Variants in TNRC6A observed in about 807,000 individuals in gnomAD.
The protein encoded by TNRC6A is trinucleotide repeat containing adaptor 6A.
TNRC6A carries 44 observed loss-of-function variants against 221.2 expected under a neutral mutation model. That is an observed-to-expected ratio of 0.20 (90% CI 0.16 to 0.26). The LOEUF (loss-of-function observed/expected upper bound fraction) is 0.26. TNRC6A is among the 10% of genes least tolerant of loss of function. The probability of loss-of-function intolerance (pLI) is 1.00; values close to 1 mark genes in which losing one functional copy is unlikely to be tolerated. For synonymous variants in TNRC6A, 847 were observed against 838.5 expected (o/e 1.01, Z -0.18); for missense variants, 2,199 against 2,404.4 (o/e 0.91, Z 1.79).
chr16:24,692,394 A>G (rs2055773410), intron 2 of TNRC6A, among the ~76,000 whole-genome samples: 1 of 152,120 alleles, frequency 6.6e-6, no homozygotes, highest in African/African-American at 2.4e-5. Flanking sequence ...AACATGGTGA[A>G]ACCCGTCTCT....
At chr16:24,804,631 T>C (rs1206821915) in intron 12 of TNRC6A, 74 bp from the exon 13 acceptor site, 65 of 1,520,508 alleles carry the variant, frequency 4.3e-5, no homozygotes, top group South Asian at 3.0e-4. Context: ...ACTTCTCTTC[T>C]GTTCCTGCAA....
chr16:24,774,774 G>T (rs1264304370), intron 4 of TNRC6A, among the ~76,000 whole-genome samples: 2 of 152,028 alleles, frequency 1.3e-5, no homozygotes, highest in African/African-American at 4.8e-5. Context: ...GTGATGCATT[G>T]GTTCCGGGAC....
At chr16:24,727,846 A>C (rs905827300), upstream of TNRC6A, among the ~76,000 whole-genome samples, 3 of 152,204 alleles carry the variant, frequency 2.0e-5, no homozygotes, top group Non-Finnish European at 4.4e-5. Context: ...AGGTAAATGA[A>C]CCTCAGGGAT....
intron 2 of TNRC6A, among the ~76,000 whole-genome samples, chr16:24,715,484 T>C (rs1294756102): frequency 6.6e-6 from 1 of 152,164 alleles, no homozygotes; most frequent in Non-Finnish European, 1.5e-5. Context: ...CTAATGTCTG[T>C]GAATTACAAG....
chr16:24,650,937 A>G (rs1237030527), intron 2 of TNRC6A, among the ~76,000 whole-genome samples: 1 of 152,198 alleles, frequency 6.6e-6, no homozygotes, highest in East Asian at 1.9e-4. Flanking sequence ...CCCCATTCAC[A>G]TTAGCTACAT....
chr16:24,690,027 A>AT (rs796774079), intron 2 of TNRC6A, among the ~76,000 whole-genome samples: 4 of 86,952 alleles, frequency 4.6e-5, no homozygotes, highest in Non-Finnish European at 4.8e-5. Context: ...AAAAAAAAAA[A>AT]TTTTTTTTTT....
At chr16:24,705,983 T>A (rs1263308747) in intron 2 of TNRC6A, among the ~76,000 whole-genome samples, 1 of 152,160 alleles carries the variant, frequency 6.6e-6, no homozygotes, top group Non-Finnish European at 1.5e-5. Flanking sequence ...TCATAAACAA[T>A]GAGTTAAGTC....
intron 18 of TNRC6A, among the ~76,000 whole-genome samples, chr16:24,813,889 C>T (rs146525510): frequency 1.1e-4 from 16 of 152,276 alleles, no homozygotes; most frequent in African/African-American, 3.9e-4. Flanking sequence ...TATATAATTA[C>T]GTTTATCATC....
At chr16:24,726,849 T>C (rs1292812103), upstream of TNRC6A, among the ~76,000 whole-genome samples, 2 of 152,152 alleles carry the variant, frequency 1.3e-5, no homozygotes, top group East Asian at 3.8e-4. Flanking sequence ...GGGTCCCACA[T>C]AAGGAATCAG....
chr16:24,805,717 A>C lies in TNRC6A; in HGVS notation c.4235A>C (p.Gln1412Pro), dbSNP rs1196781382. 4 of 1,614,194 alleles carry C rather than the reference A, an allele frequency of 2.5e-6. No individual in the cohort carries two copies. The highest frequency in any genetic ancestry group is 3.4e-6 in the Non-Finnish European group (4 of 1,180,002). ...CTATCCCAGCTAAACCAGCTTTCTC[A>C]GATCTCCCAGTTACAGGTAAGCAGA... ...NQLSQLNQLSQISQLQRLLAQ... is the reference protein window; with the variant it reads ...NQLSQLNQLSPISQLQRLLAQ... Residue 1412 changes from glutamine to proline, a missense_variant, in exon 15 of 25, where the codon CAG becomes CCG. Physicochemically the swap from Gln to Pro is moderately conservative, Grantham distance 76. This residue lies in a region of TNRC6A where 449 missense variants were observed against 579.7 expected (regional missense o/e 0.77). Coordinates refer to ENST00000395799, the MANE Select transcript of TNRC6A (RefSeq NM_014494.4).
chr16:24,796,066 A>T (rs1483838946), intron 9 of TNRC6A, 127 bp downstream of exon 9: 1 of 1,008,680 alleles, frequency 9.9e-7, no homozygotes. Context: ...ATTCAAATAC[A>T]CTAAGATATG....
intron 3 of TNRC6A, among the ~76,000 whole-genome samples, chr16:24,754,802 A>G (rs1303772390): frequency 6.6e-6 from 1 of 152,162 alleles, no homozygotes; most frequent in East Asian, 1.9e-4. Flanking sequence ...GCAACAATAC[A>G]AGTTGGGATC....
intron 11 of TNRC6A, 112 bp downstream of exon 11, chr16:24,798,078 C>G (rs894108148): frequency 6.2e-6 from 5 of 809,954 alleles, no homozygotes; most frequent in Admixed American, 2.7e-5. Context: ...GCTGTGCTCT[C>G]CAATAGACGT....
intron 2 of TNRC6A, among the ~76,000 whole-genome samples, chr16:24,707,202 G>C (rs955456134): frequency 5.3e-5 from 8 of 151,864 alleles, no homozygotes; most frequent in Admixed American, 3.3e-4. Context: ...CAACATATTG[G>C]CCAGGCTGGT....
At position 24,788,891 on chromosome 16, in the gene TNRC6A, A is replaced by T. The variant is rs2058032290; in HGVS notation, c.590-341A>T. On this transcript the variant is annotated intron_variant, in intron 5 of 24. Transcript: ENST00000395799. ...TCTTGATCTCCTGACCTCGTGATCC[A>T]CCCACCTCGGCCTTCCAGAGTGCTG... is the stretch of plus-strand genomic sequence containing the variant. Among the ~76,000 whole-genome samples, 4 of 152,176 alleles carry T rather than the reference A, an allele frequency of 2.6e-5. No individual in the cohort carries two copies. In the East Asian group the frequency reaches 7.8e-4, roughly 29 times the overall value.
In TNRC6A at chr16:24,738,078, G is replaced by A. The variant is rs565737565; in HGVS notation, c.53+7778G>A. The stretch of plus-strand genomic sequence containing the variant: ...ACACTGCTGCAGGTTAATCGTCCTC[G>A]AGCCACGTTTCTGAGGCCTGTCAGT... On this transcript the variant is annotated intron_variant, in intron 2 of 24. Coordinates refer to ENST00000395799, the MANE Select transcript of TNRC6A (RefSeq NM_014494.4). Among the ~76,000 whole-genome samples, 105 of 152,214 alleles carry A rather than the reference G, an allele frequency of 6.9e-4. 1 individual carries two copies. Among genetic ancestry groups the A allele is most frequent in the African/African-American group, 2.4e-3 (100 of 41,522 alleles).
At chr16:24,747,199 GGTGAA>G (rs2057032016) in intron 2 of TNRC6A, among the ~76,000 whole-genome samples, 1 of 152,160 alleles carries the variant, frequency 6.6e-6, no homozygotes, top group Non-Finnish European at 1.5e-5. Flanking sequence ...TGAGTGTGTA[GGTGAA>G]TGATTTGACA....
At chr16:24,718,580 G>C (rs2056356038) in intron 2 of TNRC6A, among the ~76,000 whole-genome samples, 1 of 152,174 alleles carries the variant, frequency 6.6e-6, no homozygotes, top group Admixed American at 6.6e-5. Context: ...AATATGCCAG[G>C]TTAGGTAGCA....
chr16:24,791,257 A>G lies in TNRC6A; in HGVS notation c.2615A>G (p.Lys872Arg). Residue 872 changes from lysine to arginine, a missense_variant, in exon 6 of 25, where the codon AAA (lysine) becomes AGA (arginine). Transcript: ENST00000395799. ...RNNHWGEANK[K>R]SSSGGSDSDR... Reference sequence around the variant, plus strand: ...AACCATTGGGGTGAGGCCAATAAGAAATCCAGCTCAGGAGGTAGTGACAGT... The same window carrying G: ...AACCATTGGGGTGAGGCCAATAAGAGATCCAGCTCAGGAGGTAGTGACAGT... The G allele has an allele frequency of 6.2e-7, 1 of 1,614,144 alleles. No individual in the cohort carries two copies.
Sources: gnomAD v4.1 joint callset for allele counts (sites outside exome capture counted in the v4.1 genomes callset) on GRCh38, gnomAD v4.1.1 for gene constraint, gnomAD v4.1.1 regional missense constraint, MANE v1.5 for transcripts, NCBI Gene and HGNC (gene_info 2026-07-23, HGNC 2026-07-21) for gene names.